Variants in KIF5C observed in about 807,000 individuals in gnomAD.
KIF5C encodes kinesin family member 5C.
Under a neutral mutation model 125.2 loss-of-function variants are expected in KIF5C, and 18 were observed. That is an observed-to-expected ratio of 0.14 (90% confidence interval 0.10 to 0.21). The LOEUF (loss-of-function observed/expected upper bound fraction) is 0.21, where lower values mean the gene tolerates loss of function less well. Ranked by LOEUF, KIF5C falls within the 10% of genes least tolerant of loss-of-function variation. The pLI is 1.00. For synonymous variants in KIF5C, 405 were observed against 434.0 expected (o/e 0.93, Z 0.83); for missense variants, 780 against 1,183.8 (o/e 0.66, Z 5.01).
At position 148,941,770 on chromosome 2, in the gene KIF5C, T is replaced by C. The variant is rs137973078; in HGVS notation, c.445+112T>C. ...AATTAATGAAAATTTATAGAGATAC[T>C]CTGTTGCCTTCAGGGTATATGTTTA... On this transcript the variant is annotated intron_variant, in intron 5 of 25. Coordinates refer to ENST00000435030, the MANE Select transcript of KIF5C (RefSeq NM_004522.3). The C allele has an allele frequency of 8.9e-6, 13 of 1,457,352 alleles. No homozygotes were observed. The African/African-American group carries it at 1.7e-4, about 19-fold the overall frequency. The allele number at this position is 1,457,352 out of a possible 1,614,324, so 90.3% of individuals were successfully genotyped here.
intron 2 of KIF5C, among the ~76,000 whole-genome samples, chr2:148,928,345 A>C (rs1214918068): frequency 1.3e-5 from 2 of 152,022 alleles, no homozygotes; most frequent in Non-Finnish European, 2.9e-5. Flanking sequence ...GCAAATGAAG[A>C]CTTCCTCCCC....
intron 13 of KIF5C, among the ~76,000 whole-genome samples, chr2:148,979,314 T>C (rs2105156036): frequency 6.6e-6 from 1 of 152,270 alleles, no homozygotes; most frequent in East Asian, 1.9e-4. Context: ...AGACAGGGTC[T>C]CTCTGTTGTC....
chr2:148,934,162 A>T (rs1309752471), intron 3 of KIF5C, among the ~76,000 whole-genome samples: 1 of 150,210 alleles, frequency 6.7e-6, no homozygotes, highest in East Asian at 2.0e-4. Context: ...ACATATACAC[A>T]TCACACACAT....
At chr2:148,967,724 C>T (rs1680776860) in intron 11 of KIF5C, among the ~76,000 whole-genome samples, 1 of 152,162 alleles carries the variant, frequency 6.6e-6, no homozygotes, top group South Asian at 2.1e-4. Flanking sequence ...GCTCTTTAGC[C>T]TCACGGAGAT....
intron 19 of KIF5C, 138 bp from the exon 20 acceptor site, chr2:149,000,285 G>C (rs1681811016): frequency 8.4e-6 from 9 of 1,069,796 alleles, no homozygotes; most frequent in Non-Finnish European, 1.2e-5. Context: ...AGGCTGTTCT[G>C]TGATCCCTCC....
chr2:148,967,012 G>A (rs974056142), intron 11 of KIF5C, among the ~76,000 whole-genome samples: 1 of 152,154 alleles, frequency 6.6e-6, no homozygotes, highest in Non-Finnish European at 1.5e-5. Context: ...TAAGACAGGG[G>A]CCACTTCAGA....
chr2:148,893,134 G>A lies in KIF5C; in HGVS notation c.126+17391G>A, dbSNP rs142296518. ...AGAAAGTACAGTCTATACCTGGCTTGTTTTGTTTTTAATCACAAATGGATC... is the reference window on the plus strand; with the variant it reads ...AGAAAGTACAGTCTATACCTGGCTTATTTTGTTTTTAATCACAAATGGATC... On this transcript the variant is annotated intron_variant, in intron 1 of 25. Transcript: ENST00000435030. 3.3e-4 allele frequency among the ~76,000 whole-genome samples: 50 copies of A among 152,298 alleles called. No individual in the cohort carries two copies. The East Asian group carries it at 9.4e-3, about 29-fold the overall frequency.
At chr2:149,018,258 T>C (rs2105211345) in intron 25 of KIF5C, among the ~76,000 whole-genome samples, 1 of 152,282 alleles carries the variant, frequency 6.6e-6, no homozygotes, top group East Asian at 1.9e-4. Context: ...CACCACACTC[T>C]AGCCTGGGTG....
At chr2:149,004,944 A>G (rs1681961362) in intron 21 of KIF5C, among the ~76,000 whole-genome samples, 3 of 152,212 alleles carry the variant, frequency 2.0e-5, no homozygotes, top group African/African-American at 7.2e-5. Flanking sequence ...GCAGGTGTGG[A>G]GACAGGAAAA....
At chr2:148,935,235 TTGTATAAG>T (rs1237846792) in intron 3 of KIF5C, among the ~76,000 whole-genome samples, 123 of 152,322 alleles carry the variant, frequency 8.1e-4, no homozygotes, top group South Asian at 6.0e-3. Flanking sequence ...ATGTCAGCAC[TTGTATAAG>T]CCAGGAATCA....
At chr2:148,927,705 G>C (rs1682057170) in intron 2 of KIF5C, among the ~76,000 whole-genome samples, 1 of 151,956 alleles carries the variant, frequency 6.6e-6, no homozygotes, top group Non-Finnish European at 1.5e-5. Context: ...TAGTGTAGAG[G>C]TGCTCTGTCT....
intron 25 of KIF5C, among the ~76,000 whole-genome samples, chr2:149,022,793 A>G (rs1159778915): frequency 1.3e-5 from 2 of 152,116 alleles, no homozygotes; most frequent in East Asian, 3.9e-4. Flanking sequence ...GTGTGGTGGC[A>G]AACCCTTGTA....
At chr2:148,961,239 A>C (rs895123627) in intron 10 of KIF5C, among the ~76,000 whole-genome samples, 1 of 152,102 alleles carries the variant, frequency 6.6e-6, no homozygotes, top group Non-Finnish European at 1.5e-5. Context: ...TTCTTGGAAA[A>C]TAGGATGATC....
chr2:148,940,411 C>T (rs1427406230), intron 4 of KIF5C, among the ~76,000 whole-genome samples: 1 of 152,162 alleles, frequency 6.6e-6, no homozygotes, highest in South Asian at 2.1e-4. Context: ...GCAGTGGATT[C>T]CAGGGCTCAA....
chr2:148,908,581 G>A (rs1681206081), intron 1 of KIF5C, among the ~76,000 whole-genome samples: 1 of 152,106 alleles, frequency 6.6e-6, no homozygotes. Context: ...AAGTCATGTG[G>A]CCACTGCAGC....
Position 148,903,051 on chromosome 2 carries a change from A to G in KIF5C, c.127-19086A>G, listed in dbSNP as rs1223626632. 3.3e-5 allele frequency among the ~76,000 whole-genome samples: 5 copies of G among 152,074 alleles called. No individual in the cohort carries two copies. The East Asian group carries it at 9.6e-4, about 29-fold the overall frequency. On this transcript the variant is annotated intron_variant, in intron 1 of 25. Coordinates refer to ENST00000435030, the MANE Select transcript of KIF5C (RefSeq NM_004522.3). ...CCCTTGAGCTGTACTTGGGCTCTGC[A>G]GGCAAGTGTGCTGTGGCTGAAGAGT...
At chr2:149,014,909 C>T (rs1029742192) in intron 25 of KIF5C, among the ~76,000 whole-genome samples, 3 of 152,150 alleles carry the variant, frequency 2.0e-5, no homozygotes, top group Admixed American at 2.0e-4. Context: ...TAATATTGGC[C>T]GGGCATGGCG....
At chr2:148,944,715 A>G (rs945645740) in intron 7 of KIF5C, among the ~76,000 whole-genome samples, 2 of 152,130 alleles carry the variant, frequency 1.3e-5, no homozygotes, top group African/African-American at 4.8e-5. Context: ...AGGAACCGCT[A>G]CTATTTGCTA....
intron 16 of KIF5C, among the ~76,000 whole-genome samples, chr2:148,993,567 T>A (rs1474767940): frequency 6.6e-6 from 1 of 152,234 alleles, no homozygotes; most frequent in Admixed American, 6.5e-5. Context: ...CACCAAAAAC[T>A]GTGCTTATAA....
Sources: gnomAD v4.1 joint callset for allele counts (sites outside exome capture counted in the v4.1 genomes callset) on GRCh38, gnomAD v4.1.1 for gene constraint, MANE v1.5 for transcripts, NCBI Gene and HGNC (gene_info 2026-07-23, HGNC 2026-07-21) for gene names.